Variants in CACNB4 observed in about 807,000 individuals in gnomAD.
CACNB4 encodes voltage-dependent L-type calcium channel subunit beta-4.
A neutral mutation model predicts 71.2 loss-of-function variants in CACNB4; 32 were observed. That is an observed-to-expected ratio of 0.45 (90% confidence interval 0.34 to 0.60). CACNB4 has a LOEUF of 0.60. CACNB4 is among the 20% of genes least tolerant of loss of function. CACNB4 has a pLI of 0.01. For synonymous variants in CACNB4, 231 were observed against 236.9 expected (o/e 0.97, Z 0.23); for missense variants, 464 against 647.9 (o/e 0.72, Z 3.08).
intron 2 of CACNB4, among the ~76,000 whole-genome samples, chr2:151,914,450 T>A (rs759985821): frequency 2.6e-5 from 4 of 152,206 alleles, no homozygotes; most frequent in African/African-American, 4.8e-5. Flanking sequence ...TTATTACCCA[T>A]CTTCTGAAGC....
At chr2:151,960,806 C>A (rs901820705) in intron 2 of CACNB4, among the ~76,000 whole-genome samples, 3 of 152,212 alleles carry the variant, frequency 2.0e-5, no homozygotes, top group Non-Finnish European at 2.9e-5. Context: ...TAATCCTGAT[C>A]ACAGCTTTCA....
chr2:152,043,162 A>G (rs547682696), intron 2 of CACNB4, among the ~76,000 whole-genome samples: 15 of 152,326 alleles, frequency 9.8e-5, no homozygotes, highest in African/African-American at 3.6e-4. Flanking sequence ...ATCAAGAAGT[A>G]ACAATAAGTA....
intron 2 of CACNB4, among the ~76,000 whole-genome samples, chr2:152,007,577 T>G (rs1244189783): frequency 1.3e-5 from 2 of 152,202 alleles, no homozygotes; most frequent in African/African-American, 4.8e-5. Flanking sequence ...TGGATAGTAT[T>G]CTGTTGTATG....
chr2:152,099,040 T>A lies in CACNB4; in HGVS notation c.-29A>T, dbSNP rs1244542445. ...TCAGAGCCGCCGCATGGCCAGCCCG[T>A]GTGCGGTGGGCGGAGGGGGCTGGCC... is the stretch of plus-strand genomic sequence containing the variant. On this transcript the variant is annotated 5_prime_UTR_variant, in exon 1 of 14. Coordinates refer to ENST00000539935, the MANE Select transcript of CACNB4 (RefSeq NM_000726.5). 2 of 1,494,698 alleles carry A rather than the reference T, an allele frequency of 1.3e-6. No individual in the cohort carries two copies. The highest frequency in any genetic ancestry group is 2.9e-5 in the African/African-American group (2 of 69,016). The allele number at this position is 1,494,698 out of a possible 1,614,324, so 92.6% of individuals were successfully genotyped here. A position where few individuals can be genotyped will look rare whatever the true frequency, so the allele number is the denominator to read the frequency against.
At chr2:151,955,593 G>A (rs2099868053) in intron 2 of CACNB4, among the ~76,000 whole-genome samples, 3 of 152,110 alleles carry the variant, frequency 2.0e-5, no homozygotes, top group Non-Finnish European at 2.9e-5. Flanking sequence ...AGAAGAAGTG[G>A]AATAAGAGTT....
At chr2:152,035,492 G>A (rs562915902) in intron 2 of CACNB4, among the ~76,000 whole-genome samples, 4 of 152,170 alleles carry the variant, frequency 2.6e-5, no homozygotes, top group East Asian at 3.9e-4. Context: ...CCCGGGAGGC[G>A]GAGGTTGCGG....
intron 2 of CACNB4, among the ~76,000 whole-genome samples, chr2:152,008,201 TA>T: frequency 6.6e-6 from 1 of 152,240 alleles, no homozygotes; most frequent in East Asian, 1.9e-4. Context: ...TTTTTTTTTT[TA>T]AGCCATCACA....
intron 2 of CACNB4, among the ~76,000 whole-genome samples, chr2:151,897,226 C>G (rs2099852310): frequency 6.6e-6 from 1 of 152,230 alleles, no homozygotes; most frequent in Non-Finnish European, 1.5e-5. Flanking sequence ...GAAGCTGAGA[C>G]TTGCATTTCA....
intron 2 of CACNB4, among the ~76,000 whole-genome samples, chr2:151,960,960 C>T (rs925024609): frequency 6.6e-6 from 1 of 152,128 alleles, no homozygotes; most frequent in Non-Finnish European, 1.5e-5. Flanking sequence ...AACCAGTAGC[C>T]AAAGTTGATT....
chr2:151,864,571 G>C (rs2099842598), intron 9 of CACNB4, among the ~76,000 whole-genome samples: 1 of 152,148 alleles, frequency 6.6e-6, no homozygotes, highest in Admixed American at 6.5e-5. Context: ...GTATTAGTAG[G>C]GAAGAGTGTT....
At chr2:151,865,512 AAT>A (rs1450131116) in intron 9 of CACNB4, among the ~76,000 whole-genome samples, 1 of 152,226 alleles carries the variant, frequency 6.6e-6, no homozygotes, top group African/African-American at 2.4e-5. Context: ...GGGGATTTGA[AAT>A]GATTGGCATA....
chr2:151,946,840 T>C (rs1466617767), intron 2 of CACNB4, among the ~76,000 whole-genome samples: 2 of 152,176 alleles, frequency 1.3e-5, no homozygotes, highest in Non-Finnish European at 2.9e-5. Context: ...AGTGATGAAA[T>C]TTCATCAATA....
intron 12 of CACNB4, among the ~76,000 whole-genome samples, chr2:151,842,997 T>C (rs2099836615): frequency 6.6e-6 from 1 of 152,190 alleles, no homozygotes; most frequent in South Asian, 2.1e-4. Context: ...GGCAGTGGTT[T>C]CTGCTACCAC....
intron 2 of CACNB4, among the ~76,000 whole-genome samples, chr2:151,950,747 T>C (rs940463332): frequency 1.3e-5 from 2 of 152,198 alleles, no homozygotes; most frequent in Non-Finnish European, 2.9e-5. Flanking sequence ...ATGTGAAATA[T>C]CCAAAATAAG....
intron 5 of CACNB4, 105 bp downstream of exon 5, chr2:151,876,321 A>G: frequency 1.2e-5 from 11 of 930,022 alleles, no homozygotes; most frequent in South Asian, 2.2e-5. Context: ...TTTCAGAAAC[A>G]CTTTGCACAC....
chr2:152,057,995 A>C (rs187230338), intron 2 of CACNB4, among the ~76,000 whole-genome samples: 5 of 152,308 alleles, frequency 3.3e-5, no homozygotes, highest in Non-Finnish European at 7.4e-5. Flanking sequence ...AGTTTCCTTC[A>C]TGCTATTCTC....
intron 2 of CACNB4, among the ~76,000 whole-genome samples, chr2:152,024,193 C>T (rs549169517): frequency 3.9e-5 from 6 of 152,284 alleles, no homozygotes; most frequent in Admixed American, 2.6e-4. Flanking sequence ...TATGGTGTCA[C>T]GTGCCTGTAG....
chr2:151,882,215 G>C (rs1329803091), intron 3 of CACNB4, among the ~76,000 whole-genome samples: 3 of 102,858 alleles, frequency 2.9e-5, no homozygotes, highest in Admixed American at 1.1e-4. Flanking sequence ...TTTTGGTAGG[G>C]TTTTGCTCTG....
chr2:151,953,334 G>C (rs984727906), intron 2 of CACNB4, among the ~76,000 whole-genome samples: 2 of 152,244 alleles, frequency 1.3e-5, no homozygotes, highest in Admixed American at 1.3e-4. Context: ...CCCGTACCTT[G>C]TTTGCTCCTT....
Sources: gnomAD v4.1 joint callset for allele counts (sites outside exome capture counted in the v4.1 genomes callset) on GRCh38, gnomAD v4.1.1 for gene constraint, MANE v1.5 for transcripts, NCBI Gene and HGNC (gene_info 2026-07-23, HGNC 2026-07-21) for gene names.